Variants in ZNF33A observed in about 807,000 individuals in gnomAD.
The protein encoded by ZNF33A is zinc finger protein 33A.
ZNF33A carries 9 observed loss-of-function variants against 15.9 expected under a neutral mutation model. The ratio of observed to expected loss-of-function variants is 0.57; its 90% CI spans 0.34 to 0.99. The LOEUF (loss-of-function observed/expected upper bound fraction) is 0.99. Among genes scored for constraint, ZNF33A ranks in the 50% least tolerant of loss-of-function variants. ZNF33A has a pLI of 0.02. For missense variants in ZNF33A, 843 were observed against 941.6 expected, an observed-to-expected ratio of 0.90 and a Z score of 1.37; for synonymous variants, 294 against 324.2, an observed-to-expected ratio of 0.91 and a Z score of 1.00.
rs544268715 is a variant in ZNF33A at position 38,039,577 on chromosome 10, T to A, written c.251-14798T>A. The stretch of plus-strand genomic sequence containing the variant: ...ACTTCAATCTTTTTACTTGTGTAGG[T>A]CTTTTCAGATTTTTCTTTTTCTACT... On this transcript the variant is annotated intron_variant, in intron 4 of 4. Transcript: ENST00000432900. 1.2e-4 allele frequency: 55 copies of A among 454,366 alleles called. No homozygotes were observed. The East Asian group carries it at 3.8e-3, about 31-fold the overall frequency. The allele number at this position is 454,366 out of a possible 1,614,324, so 28.1% of individuals were successfully genotyped here.
chr10:38,036,473 C>T (rs541785950), intron 4 of ZNF33A, among the ~76,000 whole-genome samples: 24 of 152,016 alleles, frequency 1.6e-4, no homozygotes, highest in African/African-American at 5.8e-4. Flanking sequence ...TGTAACCCGC[C>T]ACATCAACAG....
intron 4 of ZNF33A, among the ~76,000 whole-genome samples, chr10:38,031,718 A>G (rs898772422): frequency 1.3e-5 from 2 of 151,942 alleles, no homozygotes; most frequent in African/African-American, 4.8e-5. Context: ...TAACCCCAGC[A>G]CTTTGGGAGG....
At position 38,056,663 on chromosome 10, in the gene ZNF33A, T is replaced by C; in HGVS notation, c.*103T>C. On this transcript the variant is annotated 3_prime_UTR_variant, in exon 5 of 5. Coordinates refer to ENST00000432900, the MANE Select transcript of ZNF33A (RefSeq NM_006954.2). ...GCTTTTGTTAGGAAGTGATATTCTA[T>C]GTAATATCAGATGGTTAATACGGGC... 2 of 1,435,458 alleles carry C rather than the reference T, an allele frequency of 1.4e-6. No individual in the cohort carries two copies. The highest frequency in any genetic ancestry group is 2.7e-5 in the Admixed American group (1 of 37,314). 88.9% of individuals were successfully genotyped at this position (1,435,458 alleles called of 1,614,324 possible).
chr10:38,033,162 C>T (rs1325750929), intron 4 of ZNF33A, among the ~76,000 whole-genome samples: 1 of 152,166 alleles, frequency 6.6e-6, no homozygotes. Flanking sequence ...GAATTTTCTG[C>T]TGTGTGGAGT....
At chr10:38,041,655 A>C in intron 4 of ZNF33A, among the ~76,000 whole-genome samples, 1 of 152,196 alleles carries the variant, frequency 6.6e-6, no homozygotes, top group East Asian at 1.9e-4. Flanking sequence ...TCAACATGCT[A>C]GAAGGAAATG....
At chr10:38,020,499 C>T (rs973939557) in intron 4 of ZNF33A, among the ~76,000 whole-genome samples, 1 of 152,062 alleles carries the variant, frequency 6.6e-6, no homozygotes, top group African/African-American at 2.4e-5. Context: ...TTCCCCCGAC[C>T]CCACCCCACT....
At chr10:38,036,682 G>C (rs992466149) in intron 4 of ZNF33A, among the ~76,000 whole-genome samples, 9 of 152,088 alleles carry the variant, frequency 5.9e-5, no homozygotes, top group African/African-American at 1.9e-4. Context: ...CTAAGATAAG[G>C]AAACAAGATG....
At chr10:38,042,958 AAGG>A (rs1175741175) in intron 4 of ZNF33A, among the ~76,000 whole-genome samples, 2 of 152,194 alleles carry the variant, frequency 1.3e-5, no homozygotes, top group African/African-American at 4.8e-5. Context: ...TAGGAAAAGA[AAGG>A]AGAAAAAATG....
At position 38,056,022 on chromosome 10, in the gene ZNF33A, G is replaced by A. The variant is rs1180495637; in HGVS notation, c.1898G>A (p.Gly633Glu). 5 of 1,613,870 alleles carry A rather than the reference G, an allele frequency of 3.1e-6. No homozygotes were observed. Among genetic ancestry groups the A allele is most frequent in the Non-Finnish European group, 4.2e-6 (5 of 1,180,008 alleles). Reference sequence around the variant, plus strand: ...ACTCAGCATCAGAGAATTCACATAGGGGAGAAACCCTATAAATGTAATGAG... The same window carrying A: ...ACTCAGCATCAGAGAATTCACATAGAGGAGAAACCCTATAAATGTAATGAG... The part of the protein sequence containing the change: ...QLTQHQRIHI[G>E]EKPYKCNECG... Residue 633 changes from glycine to glutamate, a missense_variant, in exon 5 of 5, where the codon GGG becomes GAG. Physicochemically the swap from Gly to Glu is moderately conservative, Grantham distance 98. Coordinates refer to ENST00000432900, the MANE Select transcript of ZNF33A (RefSeq NM_006954.2).
At chr10:38,043,760 A>G (rs149158159) in intron 4 of ZNF33A, 8 of 151,926 alleles carry the variant, frequency 5.3e-5, no homozygotes, top group Admixed American at 5.2e-4. Context: ...GAGAAGCCAT[A>G]TGTTAATCTT....
At chr10:38,013,892 G>A (rs530218891) in intron 2 of ZNF33A, among the ~76,000 whole-genome samples, 124 of 152,090 alleles carry the variant, frequency 8.2e-4, no homozygotes, top group African/African-American at 2.4e-3. Context: ...TGAAGCTGCC[G>A]TCTTGTCCCC....
chr10:38,055,826 C>T lies in ZNF33A; in HGVS notation c.1702C>T (p.Leu568Phe), dbSNP rs1165450660. The change falls in exon 5 of 5, where the codon CTC becomes TTC. Residue 568 changes from leucine to phenylalanine, a missense_variant. By Grantham distance (22) the Leu-to-Phe change is conservative. Transcript: ENST00000432900. ...CGKFFSHKST[L>F]SQHYRTHTGE... ...GAAATTCTTTAGCCATAAGTCAACC[C>T]TCTCTCAACATTATAGAACACACAC... The T allele has an allele frequency of 1.1e-5, 17 of 1,614,068 alleles. No individual in the cohort carries two copies. In the South Asian group the frequency reaches 1.5e-4, roughly 15 times the overall value.
intron 4 of ZNF33A, chr10:38,039,664 T>C (rs2065609223): frequency 2.3e-6 from 1 of 440,522 alleles, no homozygotes; most frequent in Non-Finnish European, 4.5e-6. Flanking sequence ...TTAAATAATT[T>C]GTTGGCATAC....
At chr10:38,049,817 T>A (rs572647348) in intron 4 of ZNF33A, among the ~76,000 whole-genome samples, 4 of 152,064 alleles carry the variant, frequency 2.6e-5, no homozygotes, top group Non-Finnish European at 5.9e-5. Flanking sequence ...AACCAAAAGC[T>A]GTTTCATTGA....
intron 4 of ZNF33A, among the ~76,000 whole-genome samples, chr10:38,042,473 C>T (rs1209886020): frequency 6.6e-6 from 1 of 151,340 alleles, no homozygotes; most frequent in African/African-American, 2.4e-5. Context: ...TGAGCCACCA[C>T]ACCCAGCCAC....
Position 38,055,482 on chromosome 10 carries a change from C to T in ZNF33A, c.1358C>T (p.Thr453Ile), listed in dbSNP as rs2066427519. The change falls in exon 5 of 5, where the codon ACT becomes ATT. Residue 453 changes from threonine (T) to isoleucine (I), a missense_variant. Transcript: ENST00000432900. ...CYECGKSFRV[T>I]SHLKVHQRTH... ...GAATGTGGAAAATCCTTCCGTGTGA[C>T]TTCGCACCTTAAAGTACACCAGAGA... 6.2e-7 allele frequency: 1 copy of T among 1,613,062 alleles called. No homozygotes were observed. The highest frequency in any genetic ancestry group is 8.5e-7 in the Non-Finnish European group (1 of 1,179,802).
At chr10:38,028,430 C>A (rs1416460007) in intron 4 of ZNF33A, among the ~76,000 whole-genome samples, 1 of 151,336 alleles carries the variant, frequency 6.6e-6, no homozygotes, top group Non-Finnish European at 1.5e-5. Flanking sequence ...CTTCTTTGGT[C>A]TCATATTCCT....
At chr10:38,025,336 A>G (rs1230565724) in intron 4 of ZNF33A, among the ~76,000 whole-genome samples, 1 of 152,232 alleles carries the variant, frequency 6.6e-6, no homozygotes, top group Non-Finnish European at 1.5e-5. Context: ...CTATATGTTC[A>G]TGTCTCCCCA....
downstream of ZNF33A, among the ~76,000 whole-genome samples, chr10:38,067,547 A>T (rs1324268627): frequency 6.6e-6 from 1 of 152,208 alleles, no homozygotes; most frequent in Non-Finnish European, 1.5e-5. Flanking sequence ...GTGGATTCAC[A>T]TCTGTGATTC....
Sources: gnomAD v4.1 joint callset for allele counts (sites outside exome capture counted in the v4.1 genomes callset) on GRCh38, gnomAD v4.1.1 for gene constraint, MANE v1.5 for transcripts, NCBI Gene and HGNC (gene_info 2026-07-23, HGNC 2026-07-21) for gene names.